KIAA1549L: variants seen among roughly 807,000 people sequenced by gnomAD.
KIAA1549L encodes the protein KIAA1549 like.
KIAA1549L carries 88 observed loss-of-function variants against 160.7 expected under a neutral mutation model. The observed-to-expected ratio is 0.55, with a 90% confidence interval of 0.46 to 0.65. KIAA1549L has a LOEUF of 0.65. Among genes scored for constraint, KIAA1549L ranks in the 30% least tolerant of loss-of-function variants. KIAA1549L has a pLI of 0.00. For missense variants in KIAA1549L, 2,258 were observed against 2,437.5 expected, an observed-to-expected ratio of 0.93 and a Z score of 1.55; for synonymous variants, 950 against 976.7, an observed-to-expected ratio of 0.97 and a Z score of 0.51.
In KIAA1549L at chr11:33,544,180, A is replaced by G. The variant is rs761224017; in HGVS notation, c.2617A>G (p.Ser873Gly). ...AACAGATACAGGTTCTGAAATTTCC[A>G]GTGACATCAATTCATCACCTGAGAG... The part of the protein sequence containing the change: ...DGTDTGSEIS[S>G]DINSSPERNA... The change falls in exon 2 of 21, where the codon AGT becomes GGT. Residue 873 changes from serine to glycine, a missense_variant. Physicochemically the swap from Ser to Gly is moderately conservative, Grantham distance 56 (BLOSUM62 0). Around this residue, in one of 6 missense-constraint regions of KIAA1549L, gnomAD observed 287 missense variants for 292.3 expected, o/e 0.98. Coordinates refer to ENST00000658780, the MANE Select transcript of KIAA1549L (RefSeq NM_012194.3). 6.2e-7 allele frequency: 1 copy of G among 1,614,056 alleles called. No individual in the cohort carries two copies. The highest frequency in any genetic ancestry group is 8.5e-7 in the Non-Finnish European group (1 of 1,179,904).
intron 15 of KIAA1549L, among the ~76,000 whole-genome samples, chr11:33,618,231 C>G (rs1439150643): frequency 1.3e-5 from 2 of 152,176 alleles, no homozygotes; most frequent in Non-Finnish European, 2.9e-5. Context: ...AAGGGAGAAC[C>G]CCTGGTCTTG....
At chr11:33,377,793 C>CT (rs1849987087) in intron 1 of KIAA1549L, among the ~76,000 whole-genome samples, 1 of 152,066 alleles carries the variant, frequency 6.6e-6, no homozygotes, top group Non-Finnish European at 1.5e-5. Flanking sequence ...TCAGAGTACC[C>CT]CCTCCCCCAA....
intron 11 of KIAA1549L, among the ~76,000 whole-genome samples, chr11:33,584,683 A>G (rs915043056): frequency 1.3e-4 from 20 of 152,254 alleles, no homozygotes; most frequent in African/African-American, 4.8e-4. Context: ...AGGTTTTATT[A>G]TCCTCATTTT....
chr11:33,542,222 C>T lies in KIAA1549L; in HGVS notation c.659C>T (p.Ser220Phe), dbSNP rs2133173381. The change falls in exon 2 of 21, where the codon TCC becomes TTC. Residue 220 changes from serine to phenylalanine, a missense_variant. Ser to Phe is a radical substitution (Grantham distance 155). This residue lies in a region of KIAA1549L where 540 missense variants were observed against 465.7 expected (regional missense o/e 1.16). Transcript: ENST00000658780. ...ACATCCTTCAGTGCTGTCCCCCCAT[C>T]CCAGCCAGTATGGGCAGGGACTTCC... ...SGTSFSAVPPSQPVWAGTSSI... is the reference protein window; with the variant it reads ...SGTSFSAVPPFQPVWAGTSSI... 8 of 661,602 alleles carry T rather than the reference C, an allele frequency of 1.2e-5. 1 individual carries two copies. In the Admixed American group the frequency reaches 1.2e-4, roughly 10 times the overall value. 41.0% of individuals were successfully genotyped at this position (661,602 alleles called of 1,614,324 possible). A position where few individuals can be genotyped will look rare whatever the true frequency, so the allele number is the denominator to read the frequency against.
rs189636606 is a variant in KIAA1549L, at chr11:33,543,579, G to A, written c.2016G>A (p.Ser672=). Residue 672 remains serine (S), a synonymous_variant, in exon 2 of 21, where the codon TCG becomes TCA. Coordinates refer to ENST00000658780, the MANE Select transcript of KIAA1549L (RefSeq NM_012194.3). ...CAGCTTCCAAACAGGTGAGAGCATC[G>A]CCCTCCTCCATGGATGTATATGATT... ...PASASKQVRA[S]PSSMDVYDSL... The A allele has an allele frequency of 2.9e-5, 46 of 1,613,974 alleles. No homozygotes were observed. The highest frequency in any genetic ancestry group is 6.7e-5 in the East Asian group (3 of 44,886).
At chr11:33,585,985 A>C (rs1259747756) in intron 11 of KIAA1549L, among the ~76,000 whole-genome samples, 1 of 152,164 alleles carries the variant, frequency 6.6e-6, no homozygotes, top group Non-Finnish European at 1.5e-5. Context: ...CCCTTTTATC[A>C]TGGGAAACCA....
chr11:33,661,007 C>T lies in KIAA1549L; in HGVS notation c.6152C>T (p.Ala2051Val), dbSNP rs1245077105. 1.9e-6 allele frequency: 3 copies of T among 1,608,716 alleles called. No individual in the cohort carries two copies. The African/African-American group carries it at 4.0e-5, about 21-fold the overall frequency. Residue 2051 changes from alanine (A) to valine (V), a missense_variant, in exon 20 of 21, where the codon GCA (alanine) becomes GTA (valine). By Grantham distance (64) the Ala-to-Val change is moderately conservative. This residue lies in a region of KIAA1549L where 1,359 missense variants were observed against 1,546.6 expected (regional missense o/e 0.88). Transcript: ENST00000658780. ...GAGAATGAGCTCCCGAGCCAGTGGG[C>T]AGATTCGGTGAGACCCTTGCTCTTC... ...AGENELPSQW[A>V]DSVPLPGYIE...
rs112294501 is a variant in KIAA1549L, at chr11:33,612,599, GT to G, written c.5279+2647del. ...TATAAAAAATACCTGAGACTGGGTA[GT>G]TTTTTTTTTTTTTCTTTTCTTTTAG... On this transcript the variant is annotated intron_variant, in intron 15 of 20. Transcript: ENST00000658780. 1.2e-3 allele frequency among the ~76,000 whole-genome samples: 178 copies of G among 143,150 alleles called. No individual in the cohort carries two copies. In the Middle Eastern group the frequency reaches 0.026, roughly 21 times the overall value. 93.9% of individuals were successfully genotyped at this position (143,150 alleles called of 152,430 possible).
chr11:33,407,878 C>T (rs1221618956), intron 1 of KIAA1549L, among the ~76,000 whole-genome samples: 1 of 152,188 alleles, frequency 6.6e-6, no homozygotes, highest in East Asian at 1.9e-4. Flanking sequence ...CCCTTTCATC[C>T]TCAACCCCCA....
At chr11:33,633,394 G>A (rs552961294) in intron 16 of KIAA1549L, among the ~76,000 whole-genome samples, 3 of 152,000 alleles carry the variant, frequency 2.0e-5, no homozygotes, top group Non-Finnish European at 4.4e-5. Flanking sequence ...GGAAGTCCAG[G>A]CTACAGTCAG....
chr11:33,499,289 T>G (rs1053270480), intron 1 of KIAA1549L, among the ~76,000 whole-genome samples: 3 of 152,212 alleles, frequency 2.0e-5, no homozygotes, highest in Non-Finnish European at 4.4e-5. Context: ...TGGTTAATCT[T>G]TTGAAGCTCA....
chr11:33,645,706 G>T lies in KIAA1549L; in HGVS notation c.5430G>T (p.Glu1810Asp), dbSNP rs1256343552. 1.9e-6 allele frequency: 3 copies of T among 1,613,710 alleles called. No individual in the cohort carries two copies. In the Admixed American group the frequency reaches 5.0e-5, roughly 27 times the overall value. ...CACAGACTGAGCCTGAAATCATAGA[G>T]GAAACCAACATTGACAGAGTTCCTG... ...SGYDTEPEII[E>D]ETNIDRVPEP... Residue 1810 changes from glutamate (E) to aspartate (D), a missense_variant, in exon 17 of 21, where the codon GAG becomes GAT. By Grantham distance (45) the Glu-to-Asp change is conservative (BLOSUM62 2). Coordinates refer to ENST00000658780, the MANE Select transcript of KIAA1549L (RefSeq NM_012194.3).
intron 1 of KIAA1549L, among the ~76,000 whole-genome samples, chr11:33,449,848 T>C (rs1851684558): frequency 6.6e-6 from 1 of 152,018 alleles, no homozygotes; most frequent in African/African-American, 2.4e-5. Flanking sequence ...TAAGACAGGG[T>C]TGAAAATAAG....
intron 1 of KIAA1549L, among the ~76,000 whole-genome samples, chr11:33,491,651 T>G (rs1321038449): frequency 6.6e-6 from 1 of 152,202 alleles, no homozygotes; most frequent in Non-Finnish European, 1.5e-5. Context: ...TAAGTTTTAA[T>G]TTTTCTATAG....
At chr11:33,656,186 C>T (rs1852058839) in intron 18 of KIAA1549L, 77 bp downstream of exon 18, 1 of 1,119,154 alleles carries the variant, frequency 8.9e-7, no homozygotes, top group Non-Finnish European at 1.3e-6. Context: ...CTGACAACAG[C>T]ACCGGCAAAT....
chr11:33,471,522 A>G (rs967155294), intron 1 of KIAA1549L, among the ~76,000 whole-genome samples: 2 of 151,974 alleles, frequency 1.3e-5, no homozygotes, highest in Admixed American at 6.6e-5. Context: ...CCCTATTCCT[A>G]TCTCCAATTG....
In KIAA1549L at chr11:33,589,856, A is replaced by G. The variant is rs142676755; in HGVS notation, c.4567-1381A>G. Among the ~76,000 whole-genome samples, 255 of 152,310 alleles carry G rather than the reference A, an allele frequency of 1.7e-3. 1 individual carries two copies. The highest frequency in any genetic ancestry group is 5.6e-3 in the African/African-American group (233 of 41,564). ...CAGCACACCAACGTGGCACATGTAT[A>G]CATATGTAACCTGCATGTTTTGCAC... On this transcript the variant is annotated intron_variant, in intron 11 of 20. Coordinates refer to ENST00000658780, the MANE Select transcript of KIAA1549L (RefSeq NM_012194.3).
chr11:33,627,974 TG>T (rs1198708950), intron 16 of KIAA1549L, among the ~76,000 whole-genome samples: 1 of 152,042 alleles, frequency 6.6e-6, no homozygotes, highest in East Asian at 1.9e-4. Flanking sequence ...CCAGAGATTC[TG>T]GTATGTTGTG....
chr11:33,579,264 A>C (rs1855557197), intron 10 of KIAA1549L, among the ~76,000 whole-genome samples: 1 of 151,786 alleles, frequency 6.6e-6, no homozygotes, highest in Admixed American at 6.6e-5. Flanking sequence ...GCACCTGTTA[A>C]GCACATAGTA....
Sources: allele counts gnomAD v4.1 joint callset (sites outside exome capture counted in the v4.1 genomes callset), GRCh38; gene constraint gnomAD v4.1.1; regional missense constraint gnomAD v4.1.1; transcripts MANE v1.5; gene names NCBI Gene and HGNC (gene_info 2026-07-23, HGNC 2026-07-21).